Variants in DENND2B observed in about 807,000 individuals in gnomAD.
The protein encoded by DENND2B is DENN domain-containing protein 2B.
DENND2B carries 32 observed loss-of-function variants against 116.0 expected under a neutral mutation model. The observed-to-expected ratio is 0.28, with a 90% CI of 0.21 to 0.37. The LOEUF is 0.37. Among genes scored for constraint, DENND2B ranks in the 10% least tolerant of loss-of-function variants. DENND2B has a pLI of 1.00. For missense variants in DENND2B, 1,276 were observed against 1,477.7 expected (o/e 0.86, Z 2.24); for synonymous variants, 588 against 583.9 (o/e 1.01, Z -0.10).
chr11:8,863,655 T>G (rs967139076), intron 2 of DENND2B, among the ~76,000 whole-genome samples: 1 of 152,164 alleles, frequency 6.6e-6, no homozygotes, highest in Non-Finnish European at 1.5e-5. Flanking sequence ...CAACTGATAT[T>G]GCTGATTAAC....
At chr11:8,857,109 G>C (rs1357039108) in intron 3 of DENND2B, among the ~76,000 whole-genome samples, 1 of 152,000 alleles carries the variant, frequency 6.6e-6, no homozygotes, top group African/African-American at 2.4e-5. Flanking sequence ...GTCCTAACCT[G>C]GCCCAGGTTT....
upstream of DENND2B, among the ~76,000 whole-genome samples, chr11:8,875,428 T>A (rs1052226638): frequency 6.6e-6 from 1 of 151,866 alleles, no homozygotes; most frequent in African/African-American, 2.4e-5. Flanking sequence ...TTTTTTTTTT[T>A]AATTTTACTA....
rs1296460845 is a variant in DENND2B at position 8,702,115 on chromosome 11, G to A, written c.2720+457C>T. On this transcript the variant is annotated intron_variant, in intron 14 of 19. Coordinates refer to ENST00000313726, the MANE Select transcript of DENND2B (RefSeq NM_213618.2). This position sits in a 1 kb window ranked among gnomAD's most constrained non-coding sequence, Gnocchi z 4.6. Reference sequence around the variant, plus strand: ...GACACCCTCCACAGGACCCTCGCTGGCTGGCTCAGCATTCCTCACACTGTC... The same window carrying A: ...GACACCCTCCACAGGACCCTCGCTGACTGGCTCAGCATTCCTCACACTGTC... Among the ~76,000 whole-genome samples, 1 of 151,948 alleles carries A rather than the reference G, an allele frequency of 6.6e-6. No individual in the cohort carries two copies. Among genetic ancestry groups the A allele is most frequent in the Non-Finnish European group, 1.5e-5 (1 of 67,984 alleles).
chr11:8,856,753 T>TCG (rs58721712), intron 3 of DENND2B, among the ~76,000 whole-genome samples: 1 of 75,220 alleles, frequency 1.3e-5, no homozygotes, highest in Non-Finnish European at 2.8e-5. Context: ...CACTATTTTC[T>TCG]TTTTTTTTTT....
intron 3 of DENND2B, among the ~76,000 whole-genome samples, chr11:8,729,441 G>A (rs1031447791): frequency 1.3e-5 from 2 of 152,166 alleles, no homozygotes; most frequent in Non-Finnish European, 2.9e-5. Context: ...CCCAGGGTTC[G>A]TATATGGCCA....
rs1338721642 is a variant in DENND2B, at chr11:8,860,506, AAGG to A, written c.-249-3073_-249-3071del. Among the ~76,000 whole-genome samples, 3 of 152,328 alleles carry A rather than the reference AAGG, an allele frequency of 2.0e-5. No homozygotes were observed. The East Asian group carries it at 5.8e-4, about 29-fold the overall frequency. ...AACTAAGAAGGTGAAAGAGCACTAC[AAGG>A]AGAACTACAAAACGCTGCTGAAAGA... On this transcript the variant is annotated intron_variant, in intron 2 of 6. Coordinates refer to the DENND2B transcript ENST00000524757.
chr11:8,893,467 T>C (rs2064059057), intron 1 of DENND2B, among the ~76,000 whole-genome samples: 1 of 152,216 alleles, frequency 6.6e-6, no homozygotes, highest in South Asian at 2.1e-4. Flanking sequence ...TGTCCCTGTT[T>C]GCAGATGACA....
chr11:8,723,355 C>A (rs1277409264), intron 4 of DENND2B, among the ~76,000 whole-genome samples: 1 of 152,222 alleles, frequency 6.6e-6, no homozygotes, highest in African/African-American at 2.4e-5. Flanking sequence ...CCATTTCTCT[C>A]TGTCCAGAGT....
chr11:8,838,694 C>A (rs1268780741), intron 4 of DENND2B, among the ~76,000 whole-genome samples: 2 of 152,074 alleles, frequency 1.3e-5, no homozygotes, highest in African/African-American at 4.8e-5. Flanking sequence ...AAGCTGGGAA[C>A]AAAGGAATCC....
At chr11:8,722,014 A>G (rs2046275284) in intron 4 of DENND2B, among the ~76,000 whole-genome samples, 1 of 152,254 alleles carries the variant, frequency 6.6e-6, no homozygotes, top group South Asian at 2.1e-4. Context: ...TCAGGCTCAG[A>G]ATGCAAACAT....
intron 8 of DENND2B, among the ~76,000 whole-genome samples, chr11:8,713,314 G>C (rs1016029818): frequency 2.0e-5 from 3 of 152,126 alleles, no homozygotes; most frequent in Admixed American, 6.5e-5. Context: ...AGTTTCCTCA[G>C]TCTACGGCAC....
intron 5 of DENND2B, among the ~76,000 whole-genome samples, chr11:8,716,129 G>C (rs2044718923): frequency 6.6e-6 from 1 of 152,206 alleles, no homozygotes; most frequent in Non-Finnish European, 1.5e-5. Context: ...GGGTCCTCCT[G>C]AGCTATGGGA....
At chr11:8,902,203 G>A (rs568631955) in intron 1 of DENND2B, among the ~76,000 whole-genome samples, 7 of 151,966 alleles carry the variant, frequency 4.6e-5, no homozygotes, top group Non-Finnish European at 1.5e-5. Flanking sequence ...GCACGCGCCT[G>A]TAATCCCAGC....
chr11:8,773,492 G>A (rs975940518), intron 1 of DENND2B, among the ~76,000 whole-genome samples: 2 of 152,158 alleles, frequency 1.3e-5, no homozygotes. Context: ...AAGCCCAGCT[G>A]CTAAAGATCC....
rs200329299 is a variant in DENND2B at position 8,699,020 on chromosome 11, G to T, written c.2899-46C>A. ...CAGAGTGGCTCAGGGCATGAGTCCC[G>T]CAATGCCCTCTGCCAGGCCTCCAGA... On this transcript the variant is annotated intron_variant, in intron 15 of 19. Transcript: ENST00000313726. The T allele has an allele frequency of 3.1e-6, 5 of 1,606,544 alleles. No individual in the cohort carries two copies. The African/African-American group carries it at 5.4e-5, about 17-fold the overall frequency.
At position 8,762,386 on chromosome 11, in the gene DENND2B, T is replaced by C. The variant is rs141414316; in HGVS notation, c.-25-11661A>G. Among the ~76,000 whole-genome samples, 283 of 152,274 alleles carry C rather than the reference T, an allele frequency of 1.9e-3. 2 individuals carry two copies. The highest frequency in any genetic ancestry group is 6.3e-3 in the African/African-American group (261 of 41,540). The stretch of plus-strand genomic sequence containing the variant: ...CCTCCCTAGATAGGGTGAACAGCAG[T>C]TGGGCTCCACAGTCCAGGCCCATCT... On this transcript the variant is annotated intron_variant, in intron 1 of 19. Coordinates refer to ENST00000313726, the MANE Select transcript of DENND2B (RefSeq NM_213618.2).
chr11:8,694,198 C>A, intron 19 of DENND2B, 68 bp from the exon 20 acceptor site: 1 of 1,567,810 alleles, frequency 6.4e-7, no homozygotes, highest in Non-Finnish European at 8.8e-7. Flanking sequence ...CCCTCTCCTC[C>A]TTGTAGCCCT....
upstream of DENND2B, among the ~76,000 whole-genome samples, chr11:8,815,104 C>T (rs2061522733): frequency 6.6e-6 from 1 of 152,118 alleles, no homozygotes; most frequent in Non-Finnish European, 1.5e-5. Context: ...CATTGCCAGA[C>T]CACTGTGTAG....
In DENND2B at chr11:8,711,436, C is replaced by T. The variant is rs1320385202; in HGVS notation, c.2173-205G>A. 7.9e-5 allele frequency among the ~76,000 whole-genome samples: 12 copies of T among 152,106 alleles called. No individual in the cohort carries two copies. In the East Asian group the frequency reaches 2.3e-3, roughly 29 times the overall value. ...TGCCAGCGGAGTGCTTTCTATATGG[C>T]ATCTGACACGGTGCTATGCGCCAGG... On this transcript the variant is annotated intron_variant, in intron 9 of 19. Coordinates refer to ENST00000313726, the MANE Select transcript of DENND2B (RefSeq NM_213618.2).
Sources: gnomAD v4.1 joint callset for allele counts (sites outside exome capture counted in the v4.1 genomes callset) on GRCh38, gnomAD v4.1.1 for gene constraint, Gnocchi (gnomAD v3.1) non-coding constraint, MANE v1.5 for transcripts, NCBI Gene and HGNC (gene_info 2026-07-23, HGNC 2026-07-21) for gene names.